The following LINGO3 variants were observed in gnomAD, a reference collection of about 807,000 sequenced individuals.
LINGO3 encodes leucine-rich repeat and immunoglobulin-like domain-containing nogo receptor-interacting protein 3.
For missense variants in LINGO3, 750 were observed against 867.7 expected, an observed-to-expected ratio of 0.86 and a Z score of 1.70; for synonymous variants, 427 against 444.2, an observed-to-expected ratio of 0.96 and a Z score of 0.49.
downstream of LINGO3, among the ~76,000 whole-genome samples, chr19:2,289,536 G>T (rs1186026822): frequency 6.6e-6 from 1 of 152,056 alleles, no homozygotes; most frequent in Non-Finnish European, 1.5e-5. Context: ...GGGCTGTGGG[G>T]CCCTTTGTGG....
chr19:2,291,574 C>A, exon 1 of LINGO3: 1 of 1,572,508 alleles, frequency 6.4e-7, no homozygotes, highest in South Asian at 1.2e-5. Context: ...CGGGTTCAGG[C>A]AGCGGATGCG....
the LINGO3 span, among the ~76,000 whole-genome samples, chr19:2,306,341 CAT>C: frequency 6.6e-6 from 1 of 152,198 alleles, no homozygotes; most frequent in Non-Finnish European, 1.5e-5. Context: ...CCGAGATTGA[CAT>C]GTGGTGGTGG....
the LINGO3 span, among the ~76,000 whole-genome samples, chr19:2,301,352 G>A: frequency 2.0e-5 from 3 of 151,706 alleles, no homozygotes; most frequent in Admixed American, 1.3e-4. Flanking sequence ...GGGCACTGCC[G>A]GGTGCTGAGA....
downstream of LINGO3, among the ~76,000 whole-genome samples, chr19:2,289,099 ACT>A (rs1430852022): frequency 7.5e-6 from 1 of 133,492 alleles, no homozygotes; most frequent in East Asian, 2.2e-4. Context: ...TGTGTGTTCC[ACT>A]GTGAGCTGTC....
At chr19:2,299,186 G>A in the LINGO3 span, among the ~76,000 whole-genome samples, 2 of 152,126 alleles carry the variant, frequency 1.3e-5, no homozygotes, top group African/African-American at 2.4e-5. Flanking sequence ...CCCACTCGAC[G>A]GCCTGGCCCT....
downstream of LINGO3, among the ~76,000 whole-genome samples, chr19:2,288,838 C>A (rs567081273): frequency 9.2e-5 from 14 of 151,794 alleles, no homozygotes; most frequent in South Asian, 2.9e-3. This position sits in a 1 kb window ranked among gnomAD's most constrained non-coding sequence, Gnocchi z 6.5. Context: ...CTCAGTTATG[C>A]GTTGTGCCTG....
At chr19:2,300,717 C>T in the LINGO3 span, among the ~76,000 whole-genome samples, 4 of 152,140 alleles carry the variant, frequency 2.6e-5, no homozygotes, top group Non-Finnish European at 4.4e-5. Flanking sequence ...GCCAGGCCTC[C>T]GTCCCCCACC....
At chr19:2,305,593 A>C in the LINGO3 span, among the ~76,000 whole-genome samples, 1 of 151,882 alleles carries the variant, frequency 6.6e-6, no homozygotes, top group Admixed American at 6.6e-5. Flanking sequence ...ATCCCCCTCC[A>C]GTCCCCGCCC....
rs1371476802 is a variant in LINGO3 at position 2,290,315 on chromosome 19, T to C, written c.1462A>G (p.Asn488Asp). The change falls in exon 1 of 1, where the codon AAC (asparagine) becomes GAC (aspartate). Residue 488 changes from asparagine (N) to aspartate (D), a missense_variant. Transcript: ENST00000585527. This position sits in a 1 kb window ranked among gnomAD's most constrained non-coding sequence, Gnocchi z 6.0. ...GTCAGCGTGGCGAAGTAGGTGTCGT[T>C]GCCGCCCGCGTTGCTGGCCACGCAC... 2 of 1,563,276 alleles carry C rather than the reference T, an allele frequency of 1.3e-6. No homozygotes were observed. The highest frequency in any genetic ancestry group is 4.7e-5 in the East Asian group (2 of 42,482).
upstream of LINGO3, among the ~76,000 whole-genome samples, chr19:2,295,413 G>A (rs1027033676): frequency 6.6e-6 from 1 of 152,116 alleles, no homozygotes; most frequent in Admixed American, 6.5e-5. Context: ...CTTGAGCTTC[G>A]ACTTCCAGAC....
chr19:2,300,601 G>A, the LINGO3 span, among the ~76,000 whole-genome samples: 1 of 151,842 alleles, frequency 6.6e-6, no homozygotes, highest in Non-Finnish European at 1.5e-5. Flanking sequence ...CTCCCAGGGC[G>A]ACCCACAGAA....
At chr19:2,296,244 C>T (rs1162299321), upstream of LINGO3, among the ~76,000 whole-genome samples, 1 of 152,164 alleles carries the variant, frequency 6.6e-6, no homozygotes, top group African/African-American at 2.4e-5. Context: ...TCCCCCCTTA[C>T]TGTCCGCTCC....
chr19:2,305,375 G>A, the LINGO3 span, among the ~76,000 whole-genome samples: 2 of 152,106 alleles, frequency 1.3e-5, no homozygotes, highest in African/African-American at 4.8e-5. Context: ...TAATGGTCCT[G>A]GAAGCTCTTA....
the LINGO3 span, among the ~76,000 whole-genome samples, chr19:2,302,607 C>G: frequency 2.0e-5 from 3 of 152,194 alleles, no homozygotes; most frequent in Admixed American, 6.5e-5. Flanking sequence ...CCCGTCTGCC[C>G]CTGCAGGGCC....
At chr19:2,293,705 G>C (rs1320568119), upstream of LINGO3, among the ~76,000 whole-genome samples, 2 of 151,176 alleles carry the variant, frequency 1.3e-5, no homozygotes, top group East Asian at 4.0e-4. Context: ...CCCATCCACA[G>C]ACAGGGAGAT....
At chr19:2,289,114 T>C (rs1423429957), downstream of LINGO3, among the ~76,000 whole-genome samples, 2 of 148,902 alleles carry the variant, frequency 1.3e-5, no homozygotes, top group Admixed American at 1.3e-4. Context: ...GAGCTGTCCT[T>C]GTATCAGGTG....
At chr19:2,292,518 C>T (rs1395791165), upstream of LINGO3, among the ~76,000 whole-genome samples, 1 of 151,366 alleles carries the variant, frequency 6.6e-6, no homozygotes, top group Admixed American at 6.6e-5. Flanking sequence ...GAGATGGAGG[C>T]TCACTCTGTC....
At chr19:2,291,061 GCCACCTCCT>G in exon 1 of LINGO3, 1 of 1,609,902 alleles carries the variant, frequency 6.2e-7, no homozygotes, top group Non-Finnish European at 8.5e-7. Context: ...GCTGCCCGCC[GCCACCTCCT>G]CCAGCAGCGG....
chr19:2,291,115 AG>A lies in LINGO3; in HGVS notation c.661del (p.Leu221CysfsTer26), dbSNP rs2025515312. 1 of 1,608,100 alleles carries A rather than the reference AG, an allele frequency of 6.2e-7. No homozygotes were observed. The highest frequency in any genetic ancestry group is 1.3e-5 in the African/African-American group (1 of 74,870). ...AATCTCCAGGTGCAGCAGCCCGGGC[AG>A]CCTGCGGAAGTTCTGGTCCTCCAGG... On this transcript the variant is annotated frameshift_variant, in exon 1 of 1. Coordinates refer to ENST00000585527, the Ensembl canonical transcript of LINGO3. LOFTEE classifies it low-confidence loss of function (END_TRUNC).
Sources: gnomAD v4.1 joint callset for allele counts (sites outside exome capture counted in the v4.1 genomes callset) on GRCh38, gnomAD v4.1.1 for gene constraint, Gnocchi (gnomAD v3.1) non-coding constraint, MANE v1.5 for transcripts, NCBI Gene and HGNC (gene_info 2026-07-23, HGNC 2026-07-21) for gene names.